CLIP1: variants seen among roughly 807,000 people sequenced by gnomAD.
CLIP1 encodes the protein CAP-Gly domain-containing linker protein 1.
Under a neutral mutation model 161.6 loss-of-function variants are expected in CLIP1, and 66 were observed. The observed-to-expected ratio is 0.41, with a 90% CI of 0.33 to 0.50. CLIP1 has a LOEUF of 0.50. CLIP1 is among the 20% of genes least tolerant of loss of function. The pLI is 0.27. For missense variants in CLIP1, 1,376 were observed against 1,702.0 expected (o/e 0.81, Z 3.37); for synonymous variants, 598 against 626.2 (o/e 0.96, Z 0.67).
Position 122,328,025 on chromosome 12 carries a change from C to A in CLIP1, c.3171G>T (p.Lys1057Asn). 1 of 1,614,200 alleles carries A rather than the reference C, an allele frequency of 6.2e-7. No homozygotes were observed. Among genetic ancestry groups the A allele is most frequent in the Middle Eastern group, 1.6e-4 (1 of 6,062 alleles). Reference protein sequence around the residue: ...LQKTLLDTEDKLKGAREENSG... With the variant: ...LQKTLLDTEDNLKGAREENSG... ...TGTTCTCCTCCCGTGCGCCCTTCAG[C>A]TTGTCCTCTGTGTCCAGCAGCGTCT... is the stretch of plus-strand genomic sequence containing the variant. The change falls in exon 17 of 26, where the codon AAG (lysine) becomes AAT (asparagine). Residue 1057 changes from lysine to asparagine, a missense_variant. By Grantham distance (94) the Lys-to-Asn change is moderately conservative. Around this residue, in one of 6 missense-constraint regions of CLIP1, gnomAD observed 948 missense variants for 1,134.8 expected, o/e 0.84. Coordinates refer to ENST00000620786, the MANE Select transcript of CLIP1 (RefSeq NM_001247997.2).
intron 1 of CLIP1, among the ~76,000 whole-genome samples, chr12:122,416,813 T>C (rs1956773008): frequency 1.3e-5 from 2 of 151,728 alleles, no homozygotes; most frequent in Admixed American, 6.6e-5. Context: ...GGCAGAAGAA[T>C]TGCTTGAACC....
chr12:122,286,520 TAAAAAAAAAAAA>T (rs57260606), intron 21 of CLIP1, among the ~76,000 whole-genome samples: 1,077 of 28,330 alleles, frequency 0.038, 25 homozygotes, highest in East Asian at 0.12. Flanking sequence ...GACTCTGTCT[TAAAAAAAAAAAA>T]AAAAAAAAAA....
intron 11 of CLIP1, 29 bp from the exon 12 acceptor site, chr12:122,336,777 G>T: frequency 3.1e-6 from 3 of 953,166 alleles, no homozygotes; most frequent in Non-Finnish European, 4.6e-6. Flanking sequence ...TGGTATAGAA[G>T]CAAATGAACA....
intron 9 of CLIP1, among the ~76,000 whole-genome samples, chr12:122,348,064 A>T (rs1593126465): frequency 1.3e-5 from 2 of 152,312 alleles, no homozygotes; most frequent in East Asian, 3.9e-4. Flanking sequence ...GAAGGAATCT[A>T]TTCCTTCTCT....
intron 9 of CLIP1, among the ~76,000 whole-genome samples, chr12:122,348,486 T>A (rs1445523107): frequency 6.6e-6 from 1 of 152,166 alleles, no homozygotes; most frequent in Non-Finnish European, 1.5e-5. Flanking sequence ...GTTCCTAAGG[T>A]GATTCAAAAC....
At chr12:122,414,754 C>G (rs2137196234) in intron 1 of CLIP1, among the ~76,000 whole-genome samples, 1 of 152,212 alleles carries the variant, frequency 6.6e-6, no homozygotes, top group African/African-American at 2.4e-5. Context: ...CATGAGCCAC[C>G]ACGCCCAGCC....
At chr12:122,382,928 A>G (rs777557864) in intron 1 of CLIP1, among the ~76,000 whole-genome samples, 7 of 152,172 alleles carry the variant, frequency 4.6e-5, no homozygotes, top group Non-Finnish European at 8.8e-5. Flanking sequence ...TCTGATTCAC[A>G]GTCAGGTTTG....
At chr12:122,394,165 C>T (rs2137005359) in intron 1 of CLIP1, among the ~76,000 whole-genome samples, 1 of 152,082 alleles carries the variant, frequency 6.6e-6, no homozygotes, top group African/African-American at 2.4e-5. Context: ...GAAAAAAGTT[C>T]CATTGTTTAC....
In CLIP1 at chr12:122,279,218, AAC is replaced by A. The variant is rs1004794481; in HGVS notation, c.3648-75_3648-74del. 31 of 951,250 alleles carry A rather than the reference AAC, an allele frequency of 3.3e-5. No homozygotes were observed. Among genetic ancestry groups the A allele is most frequent in the Non-Finnish European group, 4.5e-5 (29 of 639,980 alleles). 58.9% of individuals were successfully genotyped at this position (951,250 alleles called of 1,614,324 possible). On this transcript the variant is annotated intron_variant, in intron 21 of 25. Transcript: ENST00000620786. The surrounding 1 kb of genome is among the most constrained non-coding windows in gnomAD (Gnocchi z 4.5). ...GTCAGTGTACAACTGTTCTAGAACA[AAC>A]ACATAATTAATGTTAGTTAATGTAA... is the stretch of plus-strand genomic sequence containing the variant.
At chr12:122,387,547 CATATATATATATATATATATAT>C (rs773688335) in intron 1 of CLIP1, among the ~76,000 whole-genome samples, 1,676 of 40,290 alleles carry the variant, frequency 0.042, 146 homozygotes, top group South Asian at 0.064. Flanking sequence ...CATGCCTTTT[CATATATATATATATATATATAT>C]ATATATATAT....
At chr12:122,414,094 T>C (rs1956641128) in intron 1 of CLIP1, among the ~76,000 whole-genome samples, 1 of 152,200 alleles carries the variant, frequency 6.6e-6, no homozygotes, top group Non-Finnish European at 1.5e-5. Context: ...TTTGATTGAA[T>C]TGTACACTTT....
rs1954964002 is a variant in CLIP1 at position 122,380,393 on chromosome 12, G to T, written c.60C>A (p.Ser20Arg). The change falls in exon 2 of 26, where the codon AGC becomes AGA. Residue 20 changes from serine (S) to arginine (R), a missense_variant. Transcript: ENST00000620786. The part of the protein sequence containing the change: ...KAPTKILKPG[S>R]TALKTPTAVV... ...CAGCCGTAGGTGTCTTCAGAGCTGT[G>T]CTTCCAGGCTTCAGGATCTTGGTGG... 2 of 1,613,596 alleles carry T rather than the reference G, an allele frequency of 1.2e-6. No homozygotes were observed.
chr12:122,393,455 C>A (rs1478428210), intron 1 of CLIP1, among the ~76,000 whole-genome samples: 1 of 152,120 alleles, frequency 6.6e-6, no homozygotes. Context: ...TGCCACCATG[C>A]CCAGCCAGAC....
intron 5 of CLIP1, among the ~76,000 whole-genome samples, chr12:122,359,699 C>T (rs1953682163): frequency 6.6e-6 from 1 of 152,184 alleles, no homozygotes; most frequent in South Asian, 2.1e-4. Context: ...AGATGGCTGG[C>T]AGAGGAGCAC....
chr12:122,286,874 T>C (rs539473994), intron 21 of CLIP1, among the ~76,000 whole-genome samples: 1 of 152,202 alleles, frequency 6.6e-6, no homozygotes, highest in East Asian at 1.9e-4. Context: ...GTCATGCACC[T>C]GTAATCCCAG....
At chr12:122,317,251 T>C (rs1951307437) in intron 18 of CLIP1, among the ~76,000 whole-genome samples, 1 of 152,240 alleles carries the variant, frequency 6.6e-6, no homozygotes. Context: ...AACCCTTTTC[T>C]TTCCCCAAAG....
intron 20 of CLIP1, among the ~76,000 whole-genome samples, chr12:122,294,082 A>G (rs1405225698): frequency 6.6e-6 from 1 of 151,812 alleles, no homozygotes; most frequent in Non-Finnish European, 1.5e-5. Context: ...TAATCCCAGC[A>G]CTTTGGGAGG....
At chr12:122,354,951 T>C in intron 6 of CLIP1, 164 bp downstream of exon 6, 1 of 646,296 alleles carries the variant, frequency 1.5e-6, no homozygotes, top group Non-Finnish European at 2.7e-6. Flanking sequence ...TCATGGAAAC[T>C]GGCACCCCAG....
At chr12:122,397,966 A>AC (rs1240804483) in intron 1 of CLIP1, among the ~76,000 whole-genome samples, 9 of 150,824 alleles carry the variant, frequency 6.0e-5, no homozygotes, top group Admixed American at 3.3e-4. Flanking sequence ...AAAAAAAACA[A>AC]AAAAAAAAGA....
Sources: allele counts gnomAD v4.1 joint callset (sites outside exome capture counted in the v4.1 genomes callset), GRCh38; gene constraint gnomAD v4.1.1; regional missense constraint gnomAD v4.1.1; non-coding constraint Gnocchi (gnomAD v3.1); transcripts MANE v1.5; gene names NCBI Gene and HGNC (gene_info 2026-07-23, HGNC 2026-07-21).